Variants in ALDH3A1 observed in about 807,000 individuals in gnomAD.
ALDH3A1 encodes aldehyde dehydrogenase, dimeric NADP-preferring.
A neutral mutation model predicts 49.9 loss-of-function variants in ALDH3A1; 46 were observed. The ratio of observed to expected loss-of-function variants is 0.92; its 90% confidence interval spans 0.73 to 1.18. The LOEUF is 1.18. ALDH3A1 is among the 50% of genes most tolerant of loss of function. The probability of loss-of-function intolerance (pLI) is 0.00; values close to 1 mark genes in which losing one functional copy is unlikely to be tolerated. For synonymous variants in ALDH3A1, 269 were observed against 253.3 expected (o/e 1.06, Z -0.59); for missense variants, 592 against 611.8 (o/e 0.97, Z 0.34).
chr17:19,745,044 T>G lies in ALDH3A1; in HGVS notation c.86A>C (p.Gln29Pro), dbSNP rs769768762. ...RTRPLQFRIQ[Q>P]LEALQRLIQE... The stretch of plus-strand genomic sequence containing the variant: ...GATCAGGCGCTGCAGCGCCTCCAGC[T>G]GCTGGATCCGGAACTGCAGCGGACG... The change falls in exon 2 of 11, where the codon CAG (glutamine) becomes CCG (proline). Residue 29 changes from glutamine to proline, a missense_variant. Physicochemically the swap from Gln to Pro is moderately conservative, Grantham distance 76 (BLOSUM62 -1). Coordinates refer to ENST00000225740, the MANE Select transcript of ALDH3A1 (RefSeq NM_000691.5). 71 of 1,597,316 alleles carry G rather than the reference T, an allele frequency of 4.4e-5. No individual in the cohort carries two copies. The highest frequency in any genetic ancestry group is 8.1e-5 in the African/African-American group (6 of 74,446).
At chr17:19,741,563 G>A (rs956971581) in intron 5 of ALDH3A1, among the ~76,000 whole-genome samples, 8 of 152,158 alleles carry the variant, frequency 5.3e-5, no homozygotes, top group African/African-American at 1.9e-4. Context: ...CCCTGGCTAG[G>A]GTCAGGAGGT....
intron 7 of ALDH3A1, chr17:19,740,132 C>G (rs1414542282): frequency 3.4e-6 from 2 of 591,930 alleles, no homozygotes; most frequent in African/African-American, 3.7e-5. Context: ...TGGGCCTTTG[C>G]TGGGAGAGGG....
intron 1 of ALDH3A1, among the ~76,000 whole-genome samples, chr17:19,747,631 C>G (rs919064305): frequency 1.3e-5 from 2 of 152,136 alleles, no homozygotes; most frequent in African/African-American, 4.8e-5. Context: ...GACACCATCA[C>G]GTCGCAGCTG....
chr17:19,743,223 G>T lies in ALDH3A1; in HGVS notation c.394+9C>A. 3.1e-6 allele frequency: 5 copies of T among 1,613,358 alleles called. No homozygotes were observed. The highest frequency in any genetic ancestry group is 3.4e-6 in the Non-Finnish European group (4 of 1,179,848). ...CTCCCCCAGCTTCCCTTCCCACAGG[G>T]CCATGCACCTGCAGCGATGGCGCCC... On this transcript the variant is annotated intron_variant, in intron 3 of 10. Coordinates refer to ENST00000225740, the MANE Select transcript of ALDH3A1 (RefSeq NM_000691.5). The surrounding 1 kb of genome is among the most constrained non-coding windows in gnomAD (Gnocchi z 4.4).
chr17:19,744,699 G>T (rs1287197358), intron 2 of ALDH3A1: 11 of 1,339,556 alleles, frequency 8.2e-6, no homozygotes, highest in Admixed American at 3.9e-5. Context: ...AGTTCAGGGT[G>T]TCGGGGCAGC....
chr17:19,741,970 G>A, intron 5 of ALDH3A1, 34 bp downstream of exon 5: 1 of 1,602,838 alleles, frequency 6.2e-7, no homozygotes, highest in Non-Finnish European at 8.5e-7. Flanking sequence ...AGCAGAGTAA[G>A]GACTGCTGCA....
chr17:19,744,908 C>CCCG, intron 2 of ALDH3A1, 60 bp downstream of exon 2: 1 of 908,506 alleles, frequency 1.1e-6, no homozygotes, highest in Non-Finnish European at 1.5e-6. Context: ...CCAGCCCCTC[C>CCCG]CCCCACGCCC....
In ALDH3A1 at chr17:19,744,901, G is replaced by GCA. The variant is rs1555546868; in HGVS notation, c.162+66_162+67insTG. On this transcript the variant is annotated intron_variant, in intron 2 of 10. Coordinates refer to ENST00000225740, the MANE Select transcript of ALDH3A1 (RefSeq NM_000691.5). ...ACCTCTCTGGGTCGCACTCTCCCCA[G>GCA]CCCCTCCCCCCACGCCCCATCGCAT... is the stretch of plus-strand genomic sequence containing the variant. 6 of 437,682 alleles carry GCA rather than the reference G, an allele frequency of 1.4e-5. No homozygotes were observed. In the East Asian group the frequency reaches 4.3e-4, roughly 31 times the overall value. 27.1% of individuals were successfully genotyped at this position (437,682 alleles called of 1,614,324 possible). A position where few individuals can be genotyped will look rare whatever the true frequency, so the allele number is the denominator to read the frequency against.
chr17:19,740,027 G>A (rs1026432225), intron 7 of ALDH3A1: 3 of 456,198 alleles, frequency 6.6e-6, no homozygotes, highest in African/African-American at 3.9e-5. Flanking sequence ...GGGCACTGGG[G>A]GCCCCTCACG....
At position 19,748,196 on chromosome 17, in the gene ALDH3A1, G is replaced by A. The variant is rs771991929; in HGVS notation, c.-6+63C>T. The A allele has an allele frequency of 1.9e-4, 76 of 392,504 alleles. No individual in the cohort carries two copies. The highest frequency in any genetic ancestry group is 1.8e-4 in the Non-Finnish European group (36 of 194,876). 24.3% of individuals were successfully genotyped at this position (392,504 alleles called of 1,614,324 possible). On this transcript the variant is annotated intron_variant, in intron 1 of 10. Transcript: ENST00000225740. The surrounding 1 kb of genome is among the most constrained non-coding windows in gnomAD (Gnocchi z 4.4). ...TAGGACTCTTGACACTTAGGGCCCC[G>A]GCTCTGAGTGCAGACTCCACCTAGA...
rs2086486734 is a variant in ALDH3A1 at position 19,741,230 on chromosome 17, G to T, written c.690-20C>A. Reference sequence around the variant, plus strand: ...ATGCGTCTGTGAGAATCCCAGACTGGACTAAATCCAAAAGGTTCCCCAGGA... The same window carrying T: ...ATGCGTCTGTGAGAATCCCAGACTGTACTAAATCCAAAAGGTTCCCCAGGA... On this transcript the variant is annotated intron_variant, in intron 5 of 10. Coordinates refer to ENST00000225740, the MANE Select transcript of ALDH3A1 (RefSeq NM_000691.5). The T allele has an allele frequency of 6.2e-7, 1 of 1,605,130 alleles. No homozygotes were observed. The highest frequency in any genetic ancestry group is 8.5e-7 in the Non-Finnish European group (1 of 1,172,632).
Position 19,741,095 on chromosome 17 carries a change from T to G in ALDH3A1, c.805A>C (p.Lys269Gln), listed in dbSNP as rs2086482779. The G allele has an allele frequency of 6.2e-7, 1 of 1,612,978 alleles. No individual in the cohort carries two copies. The highest frequency in any genetic ancestry group is 1.7e-5 in the Admixed American group (1 of 60,008). The change falls in exon 6 of 11, where the codon AAA becomes CAA. Residue 269 changes from lysine (K) to glutamine (Q), a missense_variant and splice_region_variant. Transcript: ENST00000225740. ...CCTGCCAAGGGGTCAACACTCACTT[T>G]CAGTGACTTCTTGAGCTTCTCCACA... ...QIVEKLKKSL[K>Q]EFYGEDAKKS... is the part of the protein sequence containing the mutation.
At chr17:19,742,480 C>G (rs929179782) in intron 4 of ALDH3A1, 65 bp downstream of exon 4, 22 of 1,541,400 alleles carry the variant, frequency 1.4e-5, no homozygotes, top group Middle Eastern at 1.7e-4. Context: ...TTCTCACCCC[C>G]CAAAGACCTG....
intron 6 of ALDH3A1, 125 bp from the exon 7 acceptor site, chr17:19,740,602 C>A: frequency 9.2e-7 from 1 of 1,084,674 alleles, no homozygotes; most frequent in Non-Finnish European, 1.3e-6. Context: ...CTTTTTTCTT[C>A]TTTATGCTTT....
intron 1 of ALDH3A1, chr17:19,745,639 G>C (rs2086586093): frequency 6.6e-6 from 1 of 152,668 alleles, no homozygotes; most frequent in African/African-American, 2.4e-5. Context: ...AGCTGAACCA[G>C]GCTTGGTGTG....
rs2086550302 is a variant in ALDH3A1, at chr17:19,743,857, G to C, written c.163-394C>G. On this transcript the variant is annotated intron_variant, in intron 2 of 10. Coordinates refer to ENST00000225740, the MANE Select transcript of ALDH3A1 (RefSeq NM_000691.5). This position sits in a 1 kb window ranked among gnomAD's most constrained non-coding sequence, Gnocchi z 4.4. The stretch of plus-strand genomic sequence containing the variant: ...GGATAGATTCGGGCACTGGGAGCTG[G>C]ATCCGGGCAGGGTGGAGGGAGCCAG... The C allele has an allele frequency of 2.0e-6, 2 of 984,680 alleles. No homozygotes were observed. The highest frequency in any genetic ancestry group is 4.7e-5 in the South Asian group (1 of 21,262). 61.0% of individuals were successfully genotyped at this position (984,680 alleles called of 1,614,324 possible). A position where few individuals can be genotyped will look rare whatever the true frequency, so the allele number is the denominator to read the frequency against.
chr17:19,747,513 T>A (rs967535670), intron 1 of ALDH3A1, among the ~76,000 whole-genome samples: 1 of 152,190 alleles, frequency 6.6e-6, no homozygotes, highest in African/African-American at 2.4e-5. Context: ...GGGATTGGCC[T>A]TGCACCCCAG....
Position 19,738,443 on chromosome 17 carries a change from GC to G in ALDH3A1, c.1226del (p.Gly409AlafsTer22). On this transcript the variant is annotated frameshift_variant, in exon 10 of 11. Transcript: ENST00000225740. LOFTEE classifies it high-confidence loss of function. ...TCTTCTTGCCATGGTAGGATCCCATGCCGCTGTTCCCTGCGGAGGAGAAGTA... is the reference window on the plus strand; with the variant it reads ...TCTTCTTGCCATGGTAGGATCCCATGCGCTGTTCCCTGCGGAGGAGAAGTA... ...SLPFGGVGNS[G>X]MGSYHGKKSF... is the part of the protein sequence containing the mutation. The G allele has an allele frequency of 6.2e-7, 1 of 1,612,054 alleles. No individual in the cohort carries two copies. Among genetic ancestry groups the G allele is most frequent in the African/African-American group, 1.3e-5 (1 of 75,014 alleles).
chr17:19,744,881 T>G, intron 2 of ALDH3A1, 87 bp downstream of exon 2: 1 of 1,426,540 alleles, frequency 7.0e-7, no homozygotes, highest in Non-Finnish European at 9.2e-7. Flanking sequence ...CCTGAACCTC[T>G]CTGGGTCGCA....
Sources: gnomAD v4.1 joint callset for allele counts (sites outside exome capture counted in the v4.1 genomes callset) on GRCh38, gnomAD v4.1.1 for gene constraint, Gnocchi (gnomAD v3.1) non-coding constraint, MANE v1.5 for transcripts, NCBI Gene and HGNC (gene_info 2026-07-23, HGNC 2026-07-21) for gene names.